Variants in TANGO6 observed in about 807,000 individuals in gnomAD.
TANGO6 encodes the protein transport and Golgi organization protein 6 homolog.
A neutral mutation model predicts 114.2 loss-of-function variants in TANGO6; 90 were observed. The ratio of observed to expected loss-of-function variants is 0.79; its 90% CI spans 0.66 to 0.94. The LOEUF (loss-of-function observed/expected upper bound fraction) is 0.94. TANGO6 is among the 40% of genes least tolerant of loss of function. The pLI is 0.00. For missense variants in TANGO6, 1,274 were observed against 1,315.3 expected (o/e 0.97, Z 0.49); for synonymous variants, 477 against 509.8 (o/e 0.94, Z 0.87).
At chr16:68,975,411 G>T (rs1963754429) in intron 15 of TANGO6, among the ~76,000 whole-genome samples, 1 of 151,356 alleles carries the variant, frequency 6.6e-6, no homozygotes, top group Non-Finnish European at 1.5e-5. Flanking sequence ...TGGTAGAGTT[G>T]GGGTCTCACT....
chr16:69,067,918 C>T (rs1238477136), intron 17 of TANGO6, among the ~76,000 whole-genome samples: 1 of 113,004 alleles, frequency 8.8e-6, no homozygotes, highest in African/African-American at 3.5e-5. Context: ...GCCTGGACAA[C>T]AAGAGTGAAA....
At chr16:68,854,626 T>G (rs1007485534) in intron 1 of TANGO6, among the ~76,000 whole-genome samples, 3 of 151,984 alleles carry the variant, frequency 2.0e-5, no homozygotes, top group Non-Finnish European at 2.9e-5. Flanking sequence ...AAGTTTTTTT[T>G]TTTTTTTTTC....
chr16:68,979,862 T>TG (rs1311996310), intron 15 of TANGO6, among the ~76,000 whole-genome samples: 18 of 148,820 alleles, frequency 1.2e-4, no homozygotes, highest in African/African-American at 4.6e-4. Flanking sequence ...TTTTTTTTTT[T>TG]GTAGTGGAGT....
chr16:69,050,489 TA>T (rs1400830483), intron 17 of TANGO6, among the ~76,000 whole-genome samples: 1 of 150,790 alleles, frequency 6.6e-6, no homozygotes, highest in Non-Finnish European at 1.5e-5. Flanking sequence ...CATGCCCAGC[TA>T]ATTTTTTTTT....
intron 14 of TANGO6, among the ~76,000 whole-genome samples, chr16:68,942,704 CA>C (rs1414037889): frequency 6.6e-6 from 1 of 152,070 alleles, no homozygotes; most frequent in East Asian, 1.9e-4. Flanking sequence ...GCCATAATGG[CA>C]GAGTTAGAAC....
intron 17 of TANGO6, among the ~76,000 whole-genome samples, chr16:69,076,418 C>T (rs764819640): frequency 5.3e-5 from 8 of 152,018 alleles, no homozygotes; most frequent in Non-Finnish European, 1.0e-4. Flanking sequence ...TTACATTCGA[C>T]CAACACTGTC....
intron 14 of TANGO6, among the ~76,000 whole-genome samples, chr16:68,954,105 C>A (rs1467880356): frequency 6.6e-6 from 1 of 151,844 alleles, no homozygotes; most frequent in South Asian, 2.1e-4. Context: ...GAAAAGTTAG[C>A]TGGGTGTGGT....
intron 15 of TANGO6, among the ~76,000 whole-genome samples, chr16:68,989,964 G>T (rs139837979): frequency 2.0e-5 from 3 of 152,094 alleles, no homozygotes; most frequent in Admixed American, 2.0e-4. Flanking sequence ...CATGATCTTC[G>T]TCCTGCTTGT....
At chr16:68,958,583 A>G (rs1963558740) in intron 14 of TANGO6, among the ~76,000 whole-genome samples, 1 of 151,060 alleles carries the variant, frequency 6.6e-6, no homozygotes, top group Non-Finnish European at 1.5e-5. Flanking sequence ...AAAGAAAAAG[A>G]AAAAAAACCT....
intron 14 of TANGO6, among the ~76,000 whole-genome samples, chr16:68,934,223 A>G (rs1201715681): frequency 6.6e-6 from 1 of 151,894 alleles, no homozygotes; most frequent in African/African-American, 2.4e-5. Flanking sequence ...TTTTTAAAAA[A>G]CATTTTGTAG....
chr16:68,932,658 C>T (rs1001410119), intron 14 of TANGO6, among the ~76,000 whole-genome samples: 5 of 151,924 alleles, frequency 3.3e-5, no homozygotes, highest in African/African-American at 7.2e-5. Flanking sequence ...GGTGTGGTGG[C>T]GGGCACCTGT....
intron 15 of TANGO6, among the ~76,000 whole-genome samples, chr16:68,998,109 A>G (rs1430306231): frequency 6.6e-6 from 1 of 152,248 alleles, no homozygotes; most frequent in African/African-American, 2.4e-5. Flanking sequence ...CCACAGTAGT[A>G]AAGCAAAATA....
chr16:69,016,903 C>G (rs1048987252), intron 15 of TANGO6, among the ~76,000 whole-genome samples: 4 of 152,070 alleles, frequency 2.6e-5, no homozygotes. Flanking sequence ...TCAGGTGATT[C>G]GCCCACCTCA....
chr16:68,860,604 A>G, intron 2 of TANGO6, 80 bp downstream of exon 2: 1 of 1,509,934 alleles, frequency 6.6e-7, no homozygotes, highest in Non-Finnish European at 8.9e-7. Context: ...AGTTGTTATA[A>G]AAGGCAACTC....
chr16:68,884,710 A>G (rs1962515689), intron 7 of TANGO6, among the ~76,000 whole-genome samples: 1 of 149,424 alleles, frequency 6.7e-6, no homozygotes, highest in Non-Finnish European at 1.5e-5. Context: ...TTAGAGGGAG[A>G]AAAAAAAAAG....
chr16:68,960,411 C>G (rs9302595), intron 14 of TANGO6, among the ~76,000 whole-genome samples: 1 of 151,520 alleles, frequency 6.6e-6, no homozygotes, highest in Non-Finnish European at 1.5e-5. Context: ...GATTCATTCA[C>G]AGGTATTTGA....
intron 1 of TANGO6, among the ~76,000 whole-genome samples, chr16:68,852,180 C>T (rs1488160728): frequency 1.3e-5 from 2 of 152,002 alleles, no homozygotes; most frequent in African/African-American, 2.4e-5. Flanking sequence ...AAATCAATAC[C>T]CCTGTTTTCT....
At chr16:68,859,057 T>TG (rs1223942889) in intron 1 of TANGO6, among the ~76,000 whole-genome samples, 1 of 152,210 alleles carries the variant, frequency 6.6e-6, no homozygotes, top group African/African-American at 2.4e-5. Flanking sequence ...ATACATATTC[T>TG]GGGGGGAAAC....
At chr16:69,064,861 C>T (rs1028943434) in intron 17 of TANGO6, among the ~76,000 whole-genome samples, 1 of 152,130 alleles carries the variant, frequency 6.6e-6, no homozygotes, top group Non-Finnish European at 1.5e-5. Flanking sequence ...TCTAATCCCA[C>T]GTGGGAGGCT....
Sources: allele counts gnomAD v4.1 joint callset (sites outside exome capture counted in the v4.1 genomes callset), GRCh38; gene constraint gnomAD v4.1.1; transcripts MANE v1.5; gene names NCBI Gene and HGNC (gene_info 2026-07-23, HGNC 2026-07-21).